The following PTPRT variants were observed in gnomAD, a reference collection of about 807,000 sequenced individuals.
PTPRT encodes receptor-type tyrosine-protein phosphatase T.
PTPRT carries 56 observed loss-of-function variants against 176.8 expected under a neutral mutation model. The observed-to-expected ratio is 0.32, with a 90% CI of 0.26 to 0.40. The LOEUF (loss-of-function observed/expected upper bound fraction) is 0.40. Ranked by LOEUF, PTPRT falls within the 10% of genes least tolerant of loss-of-function variation. The pLI, the probability that PTPRT is intolerant of heterozygous loss-of-function variation, is 1.00. For synonymous variants in PTPRT, 783 were observed against 739.0 expected, an observed-to-expected ratio of 1.06 and a Z score of -0.96; for missense variants, 1,540 against 1,908.2, an observed-to-expected ratio of 0.81 and a Z score of 3.60.
intron 1 of PTPRT, among the ~76,000 whole-genome samples, chr20:43,030,463 T>C (rs1986095055): frequency 6.9e-6 from 1 of 145,344 alleles, no homozygotes; most frequent in Non-Finnish European, 1.5e-5. Context: ...AGAAAGAAAA[T>C]GGCATTCCAG....
At chr20:42,990,791 A>G (rs1298262154) in intron 1 of PTPRT, among the ~76,000 whole-genome samples, 1 of 152,250 alleles carries the variant, frequency 6.6e-6, no homozygotes, top group East Asian at 1.9e-4. Context: ...TGACACAAAG[A>G]AAGGTCAAAA....
intron 25 of PTPRT, among the ~76,000 whole-genome samples, 196 bp from the exon 26 acceptor site, chr20:42,102,493 A>G (rs1164445937): frequency 6.6e-6 from 1 of 152,144 alleles, no homozygotes; most frequent in Non-Finnish European, 1.5e-5. Context: ...AGGGTGTGTG[A>G]GCTGTGTGAC....
At chr20:42,666,092 T>A (rs759843199) in intron 7 of PTPRT, among the ~76,000 whole-genome samples, 8 of 150,504 alleles carry the variant, frequency 5.3e-5, no homozygotes, top group South Asian at 2.1e-4. Flanking sequence ...TAAAGTATAA[T>A]AAAAAAATAA....
At chr20:42,767,841 CAT>C (rs897352590) in intron 5 of PTPRT, among the ~76,000 whole-genome samples, 26 of 144,562 alleles carry the variant, frequency 1.8e-4, no homozygotes, top group Non-Finnish European at 3.2e-4. Flanking sequence ...TGTTATATAA[CAT>C]ATAATAACAT....
chr20:43,142,847 A>G (rs2014058642), intron 1 of PTPRT, among the ~76,000 whole-genome samples: 1 of 152,224 alleles, frequency 6.6e-6, no homozygotes, highest in Non-Finnish European at 1.5e-5. Flanking sequence ...CATTAATGCT[A>G]CAGATGCTGC....
chr20:42,781,011 A>G (rs1487193649), intron 3 of PTPRT, among the ~76,000 whole-genome samples: 1 of 151,802 alleles, frequency 6.6e-6, no homozygotes, highest in East Asian at 1.9e-4. Flanking sequence ...CTTTAGCCCC[A>G]CTTTCACCTC....
At chr20:42,452,421 C>T (rs1318090492) in intron 8 of PTPRT, among the ~76,000 whole-genome samples, 1 of 152,088 alleles carries the variant, frequency 6.6e-6, no homozygotes, top group African/African-American at 2.4e-5. Context: ...TGGAAATGTG[C>T]TAATGCTTTG....
rs537720174 is a variant in PTPRT, at chr20:42,683,584, T to C, written c.860-5425A>G. Reference sequence around the variant, plus strand: ...TGAGCCACCATGCCCAGCCTTCAATTACTTTTAACTAAACCATGCCTATTT... The same window carrying C: ...TGAGCCACCATGCCCAGCCTTCAATCACTTTTAACTAAACCATGCCTATTT... On this transcript the variant is annotated intron_variant, in intron 6 of 30. Coordinates refer to ENST00000373187, the MANE Select transcript of PTPRT (RefSeq NM_007050.6). Among the ~76,000 whole-genome samples, 3 of 152,298 alleles carry C rather than the reference T, an allele frequency of 2.0e-5. No homozygotes were observed. In the South Asian group the frequency reaches 6.2e-4, roughly 32 times the overall value.
intron 27 of PTPRT, among the ~76,000 whole-genome samples, chr20:42,097,160 T>C (rs985708512): frequency 1.3e-5 from 2 of 152,174 alleles, no homozygotes; most frequent in Non-Finnish European, 2.9e-5. Context: ...TTCTGTCGCT[T>C]ACAAAGTAGA....
intron 7 of PTPRT, among the ~76,000 whole-genome samples, chr20:42,646,084 C>T (rs967427133): frequency 5.9e-5 from 9 of 152,142 alleles, no homozygotes; most frequent in African/African-American, 2.2e-4. Context: ...GCCACTATAC[C>T]CATCCCCATT....
intron 2 of PTPRT, among the ~76,000 whole-genome samples, chr20:42,799,404 T>C (rs1215495218): frequency 6.6e-6 from 1 of 152,210 alleles, no homozygotes; most frequent in Non-Finnish European, 1.5e-5. Context: ...ATACTTCTTC[T>C]GGTCCTTCCA....
intron 28 of PTPRT, among the ~76,000 whole-genome samples, chr20:42,085,134 C>A (rs183807776): frequency 6.6e-6 from 1 of 152,264 alleles, no homozygotes; most frequent in East Asian, 1.9e-4. Flanking sequence ...CTCTGTTGGG[C>A]AGAGTTTTTT....
chr20:42,433,138 C>G (rs1427540910), intron 9 of PTPRT, among the ~76,000 whole-genome samples: 1 of 152,092 alleles, frequency 6.6e-6, no homozygotes, highest in Non-Finnish European at 1.5e-5. Flanking sequence ...ATGGGGGATA[C>G]AGTGTGTGGG....
intron 9 of PTPRT, among the ~76,000 whole-genome samples, chr20:42,442,727 C>T (rs1302411313): frequency 2.0e-5 from 3 of 152,106 alleles, no homozygotes; most frequent in African/African-American, 4.8e-5. Context: ...TATTTTTGGA[C>T]GAAGACGAGA....
chr20:42,780,793 T>C (rs1032785933), intron 3 of PTPRT, among the ~76,000 whole-genome samples: 3 of 152,196 alleles, frequency 2.0e-5, no homozygotes, highest in Non-Finnish European at 4.4e-5. Context: ...ATAACACTCT[T>C]AAAAATAAGT....
intron 7 of PTPRT, among the ~76,000 whole-genome samples, chr20:42,546,948 C>T (rs1055040722): frequency 5.9e-5 from 9 of 151,914 alleles, no homozygotes; most frequent in Admixed American, 3.9e-4. Flanking sequence ...GTAATGAAAA[C>T]GTTTGAAATA....
chr20:43,067,822 T>G (rs1018545788), intron 1 of PTPRT, among the ~76,000 whole-genome samples: 3 of 147,898 alleles, frequency 2.0e-5, no homozygotes, highest in Admixed American at 1.4e-4. Context: ...AAAAAATAGC[T>G]GGGTATGGTG....
chr20:42,593,078 C>T (rs761846197), intron 7 of PTPRT, among the ~76,000 whole-genome samples: 4 of 152,148 alleles, frequency 2.6e-5, no homozygotes, highest in Non-Finnish European at 5.9e-5. Context: ...GTAGTGAATG[C>T]ACAGAAAGGC....
At chr20:43,038,907 A>G (rs544416176) in intron 1 of PTPRT, among the ~76,000 whole-genome samples, 1 of 152,246 alleles carries the variant, frequency 6.6e-6, no homozygotes, top group Non-Finnish European at 1.5e-5. Context: ...GAAAACTCTT[A>G]AACTCCACTG....
Sources: gnomAD v4.1 joint callset for allele counts (sites outside exome capture counted in the v4.1 genomes callset) on GRCh38, gnomAD v4.1.1 for gene constraint, MANE v1.5 for transcripts, NCBI Gene and HGNC (gene_info 2026-07-23, HGNC 2026-07-21) for gene names.